HMGCLL1: variants seen among roughly 807,000 people sequenced by gnomAD.
The protein encoded by HMGCLL1 is 3-hydroxymethyl-3-methylglutaryl-CoA lyase, cytoplasmic.
In HMGCLL1, 36 loss-of-function variants were observed where a neutral mutation model predicts 39.1. That is an observed-to-expected ratio of 0.92 (90% CI 0.71 to 1.22). The LOEUF is 1.22. Among genes scored for constraint, HMGCLL1 ranks in the 50% most tolerant of loss-of-function variants. The pLI, the probability that HMGCLL1 is intolerant of heterozygous loss-of-function variation, is 0.00. For synonymous variants in HMGCLL1, 149 were observed against 144.0 expected (o/e 1.03, Z -0.25); for missense variants, 451 against 416.5 (o/e 1.08, Z -0.72).
chr6:55,538,002 T>G (rs774827479), intron 3 of HMGCLL1, among the ~76,000 whole-genome samples: 1 of 151,062 alleles, frequency 6.6e-6, no homozygotes, highest in Non-Finnish European at 1.5e-5. Flanking sequence ...AGGGACTGCC[T>G]TTTTTTTTCC....
At chr6:55,627,049 G>GAAAAAAAAAAAAA in the HMGCLL1 span, among the ~76,000 whole-genome samples, 2 of 85,810 alleles carry the variant, frequency 2.3e-5, no homozygotes, top group African/African-American at 4.6e-5. Context: ...CACTCCACCA[G>GAAAAAAAAAAAAA]AAAAAAAAAA....
At chr6:55,657,928 G>C in the HMGCLL1 span, among the ~76,000 whole-genome samples, 7 of 151,948 alleles carry the variant, frequency 4.6e-5, no homozygotes, top group Non-Finnish European at 7.4e-5. Context: ...TGGAAGGAGG[G>C]GGGAGGATCA....
At chr6:55,657,738 C>A in the HMGCLL1 span, among the ~76,000 whole-genome samples, 4 of 151,822 alleles carry the variant, frequency 2.6e-5, no homozygotes, top group Admixed American at 6.6e-5. Context: ...TAAAAAAGAA[C>A]AAGATCATAT....
At chr6:55,665,884 A>G in the HMGCLL1 span, among the ~76,000 whole-genome samples, 5 of 151,908 alleles carry the variant, frequency 3.3e-5, no homozygotes, top group South Asian at 1.0e-3. Flanking sequence ...TATGTTATAT[A>G]ATAAAGATAA....
chr6:55,666,882 A>C, the HMGCLL1 span, among the ~76,000 whole-genome samples: 1 of 151,768 alleles, frequency 6.6e-6, no homozygotes, highest in Non-Finnish European at 1.5e-5. Context: ...ATCGCAACTG[A>C]GTCTCTTTTA....
chr6:55,489,602 A>T (rs901794823), intron 7 of HMGCLL1, among the ~76,000 whole-genome samples: 2 of 152,106 alleles, frequency 1.3e-5, no homozygotes, highest in East Asian at 1.9e-4. Flanking sequence ...AAAGGTAAAA[A>T]TTAACCATAA....
At chr6:55,572,469 C>T (rs536205635) in intron 1 of HMGCLL1, among the ~76,000 whole-genome samples, 3 of 152,072 alleles carry the variant, frequency 2.0e-5, no homozygotes, top group East Asian at 3.9e-4. Context: ...TAAAATTGGA[C>T]ATAATATTAC....
At chr6:55,468,091 G>C (rs1315013290) in intron 7 of HMGCLL1, among the ~76,000 whole-genome samples, 1 of 152,026 alleles carries the variant, frequency 6.6e-6, no homozygotes, top group Non-Finnish European at 1.5e-5. Flanking sequence ...AAAGGCTGCA[G>C]TAGCAGATTG....
chr6:55,452,626 T>C (rs1216615903), intron 7 of HMGCLL1, among the ~76,000 whole-genome samples: 1 of 152,160 alleles, frequency 6.6e-6, no homozygotes, highest in Non-Finnish European at 1.5e-5. Context: ...TATATAATGT[T>C]ACATGTTTGG....
At chr6:55,581,461 T>C (rs1424031406), upstream of HMGCLL1, among the ~76,000 whole-genome samples, 1 of 152,150 alleles carries the variant, frequency 6.6e-6, no homozygotes, top group Non-Finnish European at 1.5e-5. Flanking sequence ...AAAATAGATG[T>C]GATTTTACTG....
At chr6:55,561,597 T>G (rs1267391686) in intron 1 of HMGCLL1, among the ~76,000 whole-genome samples, 1 of 152,156 alleles carries the variant, frequency 6.6e-6, no homozygotes, top group South Asian at 2.1e-4. Context: ...CAAGGAGCAG[T>G]ATTTGAAAAC....
At chr6:55,473,501 A>G (rs910644951) in intron 7 of HMGCLL1, among the ~76,000 whole-genome samples, 1 of 151,458 alleles carries the variant, frequency 6.6e-6, no homozygotes, top group African/African-American at 2.4e-5. Context: ...TAGCACCAGT[A>G]CGTTGTAATA....
chr6:55,612,513 A>G, the HMGCLL1 span, among the ~76,000 whole-genome samples: 4 of 152,212 alleles, frequency 2.6e-5, no homozygotes, highest in African/African-American at 9.6e-5. Context: ...AGCAAAAGGA[A>G]CAAAGCTGGA....
intron 7 of HMGCLL1, among the ~76,000 whole-genome samples, chr6:55,469,694 G>C (rs960525722): frequency 6.6e-6 from 1 of 151,506 alleles, no homozygotes; most frequent in Admixed American, 6.6e-5. Context: ...ACCAATGTAA[G>C]GTGGACAAAT....
chr6:55,603,626 A>C, the HMGCLL1 span, among the ~76,000 whole-genome samples: 1 of 152,166 alleles, frequency 6.6e-6, no homozygotes, highest in South Asian at 2.1e-4. Flanking sequence ...TTATGTCACC[A>C]CAGAAGGTCT....
At chr6:55,475,162 C>T (rs769382170) in intron 7 of HMGCLL1, among the ~76,000 whole-genome samples, 1 of 151,466 alleles carries the variant, frequency 6.6e-6, no homozygotes, top group Non-Finnish European at 1.5e-5. Flanking sequence ...ACCCTTTCCC[C>T]AGCTGGGATA....
At chr6:55,635,798 A>G in the HMGCLL1 span, among the ~76,000 whole-genome samples, 2 of 152,180 alleles carry the variant, frequency 1.3e-5, no homozygotes, top group African/African-American at 4.8e-5. Flanking sequence ...TTCCAGCCCT[A>G]TTGATGCTGG....
chr6:55,654,612 C>T, the HMGCLL1 span, among the ~76,000 whole-genome samples: 2 of 151,772 alleles, frequency 1.3e-5, no homozygotes, highest in Non-Finnish European at 2.9e-5. Flanking sequence ...AATAGCATAG[C>T]TTATCAGTTG....
chr6:55,521,939 A>T (rs1301186686), intron 3 of HMGCLL1, among the ~76,000 whole-genome samples: 1 of 152,058 alleles, frequency 6.6e-6, no homozygotes, highest in Admixed American at 6.6e-5. Flanking sequence ...TTTTAAATGC[A>T]AAGAAAAAGT....
Sources: gnomAD v4.1 joint callset for allele counts (sites outside exome capture counted in the v4.1 genomes callset) on GRCh38, gnomAD v4.1.1 for gene constraint, MANE v1.5 for transcripts, NCBI Gene and HGNC (gene_info 2026-07-23, HGNC 2026-07-21) for gene names.